The following UVRAG variants were observed in gnomAD, a reference collection of about 807,000 sequenced individuals.
UVRAG encodes the protein UV radiation resistance associated.
A neutral mutation model predicts 78.0 loss-of-function variants in UVRAG; 19 were observed. That is an observed-to-expected ratio of 0.24 (90% CI 0.17 to 0.36). UVRAG has a LOEUF of 0.36. Ranked by LOEUF, UVRAG falls within the 10% of genes least tolerant of loss-of-function variation. The pLI is 1.00. For missense variants in UVRAG, 740 were observed against 853.8 expected, an observed-to-expected ratio of 0.87 and a Z score of 1.66; for synonymous variants, 323 against 324.6, an observed-to-expected ratio of 1.00 and a Z score of 0.05.
intron 1 of UVRAG, among the ~76,000 whole-genome samples, chr11:75,817,189 G>A (rs772704359): frequency 4.9e-4 from 74 of 152,100 alleles, no homozygotes; most frequent in Admixed American, 2.2e-3. Flanking sequence ...TGGTTACTGG[G>A]AGAGGGAATA....
chr11:76,026,924 A>G (rs562074223), intron 12 of UVRAG, among the ~76,000 whole-genome samples: 73 of 152,172 alleles, frequency 4.8e-4, no homozygotes, highest in African/African-American at 1.7e-3. Flanking sequence ...CTGTAGTCCA[A>G]TTCTCTATAA....
intron 6 of UVRAG, among the ~76,000 whole-genome samples, chr11:75,928,235 A>G (rs1023897279): frequency 5.3e-5 from 8 of 152,212 alleles, no homozygotes; most frequent in Non-Finnish European, 7.3e-5. Context: ...AGACACCTAA[A>G]TAAGGAAACT....
intron 6 of UVRAG, among the ~76,000 whole-genome samples, chr11:75,954,381 G>A (rs1020530459): frequency 2.0e-5 from 3 of 152,070 alleles, no homozygotes; most frequent in African/African-American, 2.4e-5. Flanking sequence ...AGTTTTAGGC[G>A]GCCCTTTCCT....
rs1426571629 is a variant in UVRAG, at chr11:76,112,767, C to T, written c.1306-3157C>T. ...TTGAGACAGGGTCTCACTCTTATCA[C>T]GCAGGCTGGAGTGCAGTGGCACAAT... On this transcript the variant is annotated intron_variant, in intron 13 of 14. Transcript: ENST00000356136. 4.7e-5 allele frequency among the ~76,000 whole-genome samples: 7 copies of T among 150,392 alleles called. No individual in the cohort carries two copies. In the East Asian group the frequency reaches 9.7e-4, roughly 21 times the overall value.
At chr11:75,959,596 CTCTT>C (rs1367091610) in intron 6 of UVRAG, among the ~76,000 whole-genome samples, 1 of 152,186 alleles carries the variant, frequency 6.6e-6, no homozygotes, top group Non-Finnish European at 1.5e-5. Context: ...ACCAGTAAAA[CTCTT>C]TCCGCATCAG....
At chr11:76,126,081 C>T (rs1001449227) in intron 14 of UVRAG, among the ~76,000 whole-genome samples, 1 of 151,716 alleles carries the variant, frequency 6.6e-6, no homozygotes, top group Non-Finnish European at 1.5e-5. Flanking sequence ...TCCCGGGCAG[C>T]TGGGACCACA....
intron 12 of UVRAG, among the ~76,000 whole-genome samples, chr11:76,063,026 T>A (rs1951123097): frequency 6.6e-6 from 1 of 152,234 alleles, no homozygotes; most frequent in South Asian, 2.1e-4. Flanking sequence ...GCTTTTTTGG[T>A]AGTCATCGCA....
In UVRAG at chr11:76,141,037, G is replaced by A; in HGVS notation, c.1724G>A (p.Gly575Asp). Residue 575 changes from glycine to aspartate, a missense_variant, in exon 15 of 15, where the codon GGC (glycine) becomes GAC (aspartate). Transcript: ENST00000356136. ...GEDLVGSLNG[G>D]HANVHPSQEQ... The stretch of plus-strand genomic sequence containing the variant: ...GATCTAGTTGGCAGCTTAAACGGAG[G>A]CCACGCGAATGTGCACCCTAGCCAA... 5.0e-6 allele frequency: 8 copies of A among 1,614,120 alleles called. No individual in the cohort carries two copies. The highest frequency in any genetic ancestry group is 6.8e-6 in the Non-Finnish European group (8 of 1,180,020).
intron 9 of UVRAG, among the ~76,000 whole-genome samples, chr11:76,004,946 A>C (rs1436112392): frequency 6.6e-6 from 1 of 152,172 alleles, no homozygotes; most frequent in Non-Finnish European, 1.5e-5. Context: ...CATATGCTTA[A>C]TTCGTTGGTA....
intron 5 of UVRAG, among the ~76,000 whole-genome samples, chr11:75,895,201 T>G (rs1250431297): frequency 6.6e-6 from 1 of 152,198 alleles, no homozygotes; most frequent in Non-Finnish European, 1.5e-5. Flanking sequence ...GCATTCTTCT[T>G]TTTTACATTA....
At chr11:75,831,348 T>C (rs1049263451) in intron 1 of UVRAG, among the ~76,000 whole-genome samples, 1 of 151,314 alleles carries the variant, frequency 6.6e-6, no homozygotes, top group African/African-American at 2.4e-5. Context: ...ATTAGCCGGG[T>C]GTGGTGGCAG....
intron 1 of UVRAG, among the ~76,000 whole-genome samples, chr11:75,824,278 T>C (rs552242235): frequency 6.6e-5 from 10 of 152,190 alleles, no homozygotes; most frequent in Non-Finnish European, 1.3e-4. Flanking sequence ...TAAAATGATA[T>C]GAGGAAGCCT....
intron 13 of UVRAG, among the ~76,000 whole-genome samples, chr11:76,104,160 T>C (rs1200053995): frequency 6.6e-6 from 1 of 152,188 alleles, no homozygotes; most frequent in Admixed American, 6.5e-5. Flanking sequence ...CTTTGTCATA[T>C]GTAGAGTGGG....
At chr11:75,850,614 T>C (rs10793135) in intron 1 of UVRAG, among the ~76,000 whole-genome samples, 17,377 of 152,248 alleles carry the variant, frequency 0.11, 1,093 homozygotes, top group East Asian at 0.23. Context: ...ATTGTAATCT[T>C]ATAGCAAAAT....
intron 5 of UVRAG, among the ~76,000 whole-genome samples, chr11:75,903,962 C>T (rs1947563243): frequency 6.6e-6 from 1 of 152,176 alleles, no homozygotes; most frequent in Admixed American, 6.5e-5. Context: ...TATATAGTAA[C>T]ATGTTTTAAA....
intron 13 of UVRAG, among the ~76,000 whole-genome samples, chr11:76,073,383 CAA>C (rs1951350913): frequency 6.6e-6 from 1 of 152,072 alleles, no homozygotes; most frequent in Non-Finnish European, 1.5e-5. Context: ...AACATTTTCT[CAA>C]AACTGAATGA....
intron 1 of UVRAG, among the ~76,000 whole-genome samples, chr11:75,833,604 G>A (rs1488732642): frequency 1.3e-5 from 2 of 152,200 alleles, no homozygotes; most frequent in South Asian, 4.1e-4. Flanking sequence ...AAATATAGAG[G>A]TGTGGAGCTG....
chr11:76,045,326 A>C (rs989093620), intron 12 of UVRAG, among the ~76,000 whole-genome samples: 1 of 152,236 alleles, frequency 6.6e-6, no homozygotes, highest in South Asian at 2.1e-4. Flanking sequence ...ATAACCCCAG[A>C]GTGAAACCTG....
chr11:75,865,727 G>A (rs866517770), intron 3 of UVRAG, among the ~76,000 whole-genome samples: 1 of 151,164 alleles, frequency 6.6e-6, no homozygotes, highest in South Asian at 2.1e-4. Context: ...TGATTCTCTT[G>A]CTTCAGCCTC....
Sources: gnomAD v4.1 joint callset for allele counts (sites outside exome capture counted in the v4.1 genomes callset) on GRCh38, gnomAD v4.1.1 for gene constraint, MANE v1.5 for transcripts, NCBI Gene and HGNC (gene_info 2026-07-23, HGNC 2026-07-21) for gene names.